KDM5A: variants seen among roughly 807,000 people sequenced by gnomAD.
KDM5A encodes the protein lysine demethylase 5A, also known as lysine-specific demethylase 5A.
Under a neutral mutation model 193.5 loss-of-function variants are expected in KDM5A, and 42 were observed. That is an observed-to-expected ratio of 0.22 (90% CI 0.17 to 0.28). The LOEUF is 0.28. Among genes scored for constraint, KDM5A ranks in the 10% least tolerant of loss-of-function variants. The pLI, the probability that KDM5A is intolerant of heterozygous loss-of-function variation, is 1.00. For synonymous variants in KDM5A, 796 were observed against 718.1 expected, an observed-to-expected ratio of 1.11 and a Z score of -1.73; for missense variants, 1,692 against 2,055.1, an observed-to-expected ratio of 0.82 and a Z score of 3.42.
intron 3 of KDM5A, among the ~76,000 whole-genome samples, chr12:376,830 G>C (rs1944511230): frequency 1.3e-5 from 2 of 152,126 alleles, no homozygotes. Context: ...ATCCTCTCAA[G>C]AGGTCAAATA....
chr12:306,106 G>A (rs1416480277), intron 24 of KDM5A, among the ~76,000 whole-genome samples: 1 of 151,446 alleles, frequency 6.6e-6, no homozygotes, highest in Non-Finnish European at 1.5e-5. Context: ...CAAGTAGCTG[G>A]GACTACAGGT....
rs1247040869 is a variant in KDM5A at position 323,151 on chromosome 12, C to A, written c.2206G>T (p.Ala736Ser). 6.4e-7 allele frequency: 1 copy of A among 1,552,338 alleles called. No homozygotes were observed. The highest frequency in any genetic ancestry group is 1.1e-5 in the South Asian group (1 of 90,446). The change falls in exon 16 of 28, where the codon GCA (alanine) becomes TCA (serine). Residue 736 changes from alanine to serine, a missense_variant. Coordinates refer to ENST00000399788, the MANE Select transcript of KDM5A (RefSeq NM_001042603.3). The part of the protein sequence containing the change: ...PSLLYGVKVR[A>S]QSYDTWVSRV... ...CTGACCCAAGTGTCATAGGACTGTGCCCTGACTTTTACACCATATAGCAGA... is the reference window on the plus strand; with the variant it reads ...CTGACCCAAGTGTCATAGGACTGTGACCTGACTTTTACACCATATAGCAGA...
At chr12:352,103 CAAAAAAA>C (rs58266653) in intron 9 of KDM5A, 95 bp downstream of exon 9, 468 of 375,424 alleles carry the variant, frequency 1.2e-3, no homozygotes, top group East Asian at 2.3e-3. Flanking sequence ...GACTCCGTCT[CAAAAAAA>C]AAAAAAAAAA....
In KDM5A at chr12:280,691, A is replaced by G; in HGVS notation, c.*4765T>C. 4.3e-6 allele frequency: 1 copy of G among 233,114 alleles called. No individual in the cohort carries two copies. 14.4% of individuals were successfully genotyped at this position (233,114 alleles called of 1,614,324 possible). A position where few individuals can be genotyped will look rare whatever the true frequency, so the allele number is the denominator to read the frequency against. ...CTTTAAGAAGCCAAAGAGAAAGGGA[A>G]AGCATTTCCTTGTTTTCCCTATTAA... On this transcript the variant is annotated 3_prime_UTR_variant, in exon 28 of 28. Transcript: ENST00000399788.
At chr12:361,894 A>C (rs1373976959) in intron 5 of KDM5A, among the ~76,000 whole-genome samples, 1 of 152,228 alleles carries the variant, frequency 6.6e-6, no homozygotes, top group East Asian at 1.9e-4. Flanking sequence ...ACTCAGAAAA[A>C]GAAAGGCAGA....
Position 384,180 on chromosome 12 carries a change from T to G in KDM5A, c.244-27A>C, listed in dbSNP as rs775784537. 7.9e-6 allele frequency: 12 copies of G among 1,527,530 alleles called. No individual in the cohort carries two copies. The South Asian group carries it at 1.2e-4, about 16-fold the overall frequency. The allele number at this position is 1,527,530 out of a possible 1,614,324, so 94.6% of individuals were successfully genotyped here. A position where few individuals can be genotyped will look rare whatever the true frequency, so the allele number is the denominator to read the frequency against. On this transcript the variant is annotated intron_variant, in intron 2 of 27. Transcript: ENST00000399788. ...TAAGATTATTAAAATACAGAAGAAC[T>G]AAGTTATGATTGAAATGAATAAGAA...
In KDM5A at chr12:384,159, A is replaced by G; in HGVS notation, c.244-6T>C. ...AATCTCACTCTGGTCATTGCCTAAGATTATTAAAATACAGAAGAACTAAGT... is the reference window on the plus strand; with the variant it reads ...AATCTCACTCTGGTCATTGCCTAAGGTTATTAAAATACAGAAGAACTAAGT... On this transcript the variant is annotated splice_region_variant and splice_polypyrimidine_tract_variant and intron_variant, in intron 2 of 27. Transcript: ENST00000399788. 2.5e-6 allele frequency: 4 copies of G among 1,583,670 alleles called. No homozygotes were observed. The highest frequency in any genetic ancestry group is 3.5e-6 in the Non-Finnish European group (4 of 1,152,550).
At position 310,893 on chromosome 12, in the gene KDM5A, A is replaced by G; in HGVS notation, c.3208T>C (p.Leu1070=). The change falls in exon 21 of 28, where the codon TTG becomes CTG. Residue 1070 remains leucine (L), a synonymous_variant. Transcript: ENST00000399788. ...TGTTGAAGTTCAAGTACCTGTAACA[A>G]TGTATGGCTAGAATTCTTCTTAAGA... ...TFLKKNSSHT[L]LQVLSPRTDI... 1.9e-6 allele frequency: 3 copies of G among 1,614,180 alleles called. No homozygotes were observed. The highest frequency in any genetic ancestry group is 2.5e-6 in the Non-Finnish European group (3 of 1,179,998).
At chr12:367,855 T>A (rs1464601337) in intron 3 of KDM5A, among the ~76,000 whole-genome samples, 2 of 151,232 alleles carry the variant, frequency 1.3e-5, no homozygotes, top group Non-Finnish European at 2.9e-5. Context: ...CTGTCTCAAG[T>A]GACCCTGTCT....
At chr12:299,523 G>A (rs1408132881) in intron 24 of KDM5A, among the ~76,000 whole-genome samples, 1 of 152,136 alleles carries the variant, frequency 6.6e-6, no homozygotes, top group African/African-American at 2.4e-5. Context: ...CACCAGACCT[G>A]CCTTACAAGA....
chr12:388,182 T>G (rs2137505709), intron 1 of KDM5A: 1 of 417,768 alleles, frequency 2.4e-6, no homozygotes, highest in African/African-American at 2.1e-5. Flanking sequence ...TCACTCAACC[T>G]CTTGGGGCAT....
At chr12:349,900 C>A (rs973482542) in intron 10 of KDM5A, among the ~76,000 whole-genome samples, 5 of 151,732 alleles carry the variant, frequency 3.3e-5, no homozygotes, top group Non-Finnish European at 7.4e-5. Flanking sequence ...GAGGCCGAGA[C>A]AGGGGATCAC....
intron 27 of KDM5A, chr12:286,272 A>G (rs1489722757): frequency 4.3e-6 from 2 of 461,520 alleles, no homozygotes; most frequent in African/African-American, 4.0e-5. Flanking sequence ...ACAGTCAAAG[A>G]CACAGGTCAA....
intron 2 of KDM5A, among the ~76,000 whole-genome samples, chr12:384,449 C>T (rs1251240775): frequency 6.6e-6 from 1 of 152,216 alleles, no homozygotes; most frequent in Admixed American, 6.5e-5. Context: ...CTCCATACCC[C>T]CATCCATCCA....
At chr12:388,501 C>T (rs1001411816) in intron 1 of KDM5A, 2 of 360,968 alleles carry the variant, frequency 5.5e-6, no homozygotes, top group Non-Finnish European at 1.1e-5. Context: ...GCTCAGATAA[C>T]CTTTTCAGAA....
intron 18 of KDM5A, among the ~76,000 whole-genome samples, chr12:319,061 G>A (rs1010294082): frequency 6.6e-6 from 1 of 152,210 alleles, no homozygotes; most frequent in African/African-American, 2.4e-5. Context: ...ACAAGTGGAT[G>A]ATGATGGAGA....
In KDM5A at chr12:307,524, G is replaced by A. The variant is rs376574016; in HGVS notation, c.3860C>T (p.Ala1287Val). The change falls in exon 23 of 28, where the codon GCG becomes GTG. Residue 1287 changes from alanine (A) to valine (V), a missense_variant. Transcript: ENST00000399788. The surrounding 1 kb of genome is among the most constrained non-coding windows in gnomAD (Gnocchi z 4.3). ...SVLSQRMVEQ[A>V]AREKTEKIIS... ...GATCTTTTCAGTTTTTTCTCGAGCC[G>A]CCTGTTCCACCATACGCTGGCTCAA... 17 of 1,613,754 alleles carry A rather than the reference G, an allele frequency of 1.1e-5. No individual in the cohort carries two copies. The highest frequency in any genetic ancestry group is 4.0e-5 in the African/African-American group (3 of 74,894).
At chr12:308,404 A>G (rs922114405) in intron 22 of KDM5A, among the ~76,000 whole-genome samples, 3 of 152,204 alleles carry the variant, frequency 2.0e-5, no homozygotes, top group African/African-American at 7.2e-5. Context: ...AAGATAACAT[A>G]TGAAAGTGCC....
chr12:336,284 G>A (rs11062465), intron 10 of KDM5A, among the ~76,000 whole-genome samples: 10,413 of 150,112 alleles, frequency 0.069, 821 homozygotes, highest in East Asian at 0.35. Context: ...CCGTGAGCCC[G>A]GGAGATTGAA....
Sources: allele counts gnomAD v4.1 joint callset (sites outside exome capture counted in the v4.1 genomes callset), GRCh38; gene constraint gnomAD v4.1.1; non-coding constraint Gnocchi (gnomAD v3.1); transcripts MANE v1.5; gene names NCBI Gene and HGNC (gene_info 2026-07-23, HGNC 2026-07-21).